ENTREP2: variants seen among roughly 807,000 people sequenced by gnomAD.
ENTREP2 encodes protein ENTREP2.
At chr15:29,493,728 C>G in the ENTREP2 span, among the ~76,000 whole-genome samples, 18 of 152,238 alleles carry the variant, frequency 1.2e-4, no homozygotes, top group African/African-American at 4.1e-4. Context: ...GTAATCCCAG[C>G]ACTTTCGGAG....
the ENTREP2 span, among the ~76,000 whole-genome samples, chr15:29,561,117 C>T: frequency 4.7e-5 from 7 of 149,790 alleles, no homozygotes; most frequent in East Asian, 8.2e-4. Flanking sequence ...GGCAAAGATA[C>T]GGAGAAAGGG....
At chr15:29,538,533 G>A in the ENTREP2 span, among the ~76,000 whole-genome samples, 4 of 151,018 alleles carry the variant, frequency 2.6e-5, no homozygotes, top group Non-Finnish European at 4.4e-5. Context: ...AGTGGCTCAC[G>A]CTTGTAATCC....
the ENTREP2 span, among the ~76,000 whole-genome samples, chr15:29,209,665 C>T: frequency 6.6e-6 from 1 of 152,060 alleles, no homozygotes; most frequent in Non-Finnish European, 1.5e-5. Flanking sequence ...GAGAAAGTTG[C>T]ATTTTGATTT....
the ENTREP2 span, among the ~76,000 whole-genome samples, chr15:29,462,137 T>C: frequency 6.6e-6 from 1 of 152,234 alleles, no homozygotes; most frequent in African/African-American, 2.4e-5. Context: ...ACATTCTGTT[T>C]ACCCATTCTT....
chr15:29,432,647 A>T, the ENTREP2 span, among the ~76,000 whole-genome samples: 1 of 152,304 alleles, frequency 6.6e-6, no homozygotes, highest in South Asian at 2.1e-4. Context: ...AGGCTGCAGG[A>T]GCCCATGCCC....
At chr15:29,504,024 C>G in the ENTREP2 span, among the ~76,000 whole-genome samples, 1 of 152,152 alleles carries the variant, frequency 6.6e-6, no homozygotes, top group Non-Finnish European at 1.5e-5. Flanking sequence ...ATTAAAAAGT[C>G]TAATAATACT....
At chr15:29,185,891 T>C in the ENTREP2 span, among the ~76,000 whole-genome samples, 6 of 152,122 alleles carry the variant, frequency 3.9e-5, no homozygotes, top group Admixed American at 3.3e-4. Flanking sequence ...TGGTTCAATA[T>C]TGCCTTCTCC....
the ENTREP2 span, among the ~76,000 whole-genome samples, chr15:29,470,896 G>C: frequency 6.6e-6 from 1 of 152,210 alleles, no homozygotes; most frequent in African/African-American, 2.4e-5. Flanking sequence ...ACAGTCATTT[G>C]ACAAACGTCA....
At chr15:29,532,704 T>C in the ENTREP2 span, among the ~76,000 whole-genome samples, 1 of 152,248 alleles carries the variant, frequency 6.6e-6, no homozygotes, top group Non-Finnish European at 1.5e-5. Context: ...TATGCTATAC[T>C]AGCAAATGTG....
At chr15:29,236,362 G>A in the ENTREP2 span, among the ~76,000 whole-genome samples, 1 of 152,174 alleles carries the variant, frequency 6.6e-6, no homozygotes, top group East Asian at 1.9e-4. Context: ...AGGAAATTGG[G>A]AAGCCAGGCA....
chr15:29,380,643 C>T, the ENTREP2 span, among the ~76,000 whole-genome samples: 2 of 152,088 alleles, frequency 1.3e-5, no homozygotes, highest in Non-Finnish European at 2.9e-5. Flanking sequence ...CTCCATCTCC[C>T]GCGTGGCCTG....
chr15:29,559,505 G>A, the ENTREP2 span, among the ~76,000 whole-genome samples: 1 of 152,230 alleles, frequency 6.6e-6, no homozygotes, highest in East Asian at 1.9e-4. Context: ...CCTACATTCT[G>A]GAGGTCAGAG....
the ENTREP2 span, among the ~76,000 whole-genome samples, chr15:29,631,333 TATCTTGGAGAC>T: frequency 1.2e-4 from 18 of 152,318 alleles, no homozygotes; most frequent in African/African-American, 4.3e-4. Context: ...TCTTTGATTG[TATCTTGGAGAC>T]TTTGGGTACT....
chr15:29,559,502 TC>T, the ENTREP2 span, among the ~76,000 whole-genome samples: 17 of 152,164 alleles, frequency 1.1e-4, no homozygotes, highest in East Asian at 1.9e-3. Context: ...CATCCTACAT[TC>T]TGGAGGTCAG....
chr15:29,383,562 G>A, the ENTREP2 span, among the ~76,000 whole-genome samples: 3 of 152,212 alleles, frequency 2.0e-5, no homozygotes. Flanking sequence ...GGCACTGGCT[G>A]GAAGGGCTTG....
chr15:29,157,729 AT>A, the ENTREP2 span, among the ~76,000 whole-genome samples: 2 of 103,020 alleles, frequency 1.9e-5, no homozygotes. Context: ...AAATAGCGAC[AT>A]CTTTTTTTTT....
chr15:29,462,080 C>A, the ENTREP2 span, among the ~76,000 whole-genome samples: 4 of 152,198 alleles, frequency 2.6e-5, no homozygotes, highest in Non-Finnish European at 5.9e-5. Context: ...GTGTCAGAAT[C>A]TCCTTCCTTT....
chr15:29,454,373 G>A, the ENTREP2 span, among the ~76,000 whole-genome samples: 1 of 152,176 alleles, frequency 6.6e-6, no homozygotes, highest in African/African-American at 2.4e-5. Context: ...TACCAATTCT[G>A]TTGATGCTGT....
At chr15:29,188,042 G>A in the ENTREP2 span, among the ~76,000 whole-genome samples, 4 of 152,190 alleles carry the variant, frequency 2.6e-5, no homozygotes, top group African/African-American at 4.8e-5. Context: ...CATAGAGAGA[G>A]GGGCGGTATC....
Sources: allele counts gnomAD v4.1 joint callset (sites outside exome capture counted in the v4.1 genomes callset), GRCh38; gene constraint gnomAD v4.1.1; transcripts MANE v1.5; gene names NCBI Gene and HGNC (gene_info 2026-07-23, HGNC 2026-07-21).